Variants in CTNNA3 observed in about 807,000 individuals in gnomAD.
CTNNA3 encodes the protein catenin alpha 3.
CTNNA3 carries 76 observed loss-of-function variants against 95.7 expected under a neutral mutation model. That is an observed-to-expected ratio of 0.79 (90% confidence interval 0.66 to 0.96). The LOEUF (loss-of-function observed/expected upper bound fraction) is 0.96. Among genes scored for constraint, CTNNA3 ranks in the 40% least tolerant of loss-of-function variants. The probability of loss-of-function intolerance (pLI) is 0.00; values close to 1 mark genes in which losing one functional copy is unlikely to be tolerated. For synonymous variants in CTNNA3, 431 were observed against 374.4 expected, an observed-to-expected ratio of 1.15 and a Z score of -1.74; for missense variants, 1,191 against 1,089.8, an observed-to-expected ratio of 1.09 and a Z score of -1.31.
intron 2 of CTNNA3, among the ~76,000 whole-genome samples, chr10:67,637,176 G>C (rs1564799487): frequency 6.6e-6 from 1 of 152,226 alleles, no homozygotes; most frequent in Admixed American, 6.5e-5. Context: ...TAAAGGACCT[G>C]ATGGAGCTGA....
At chr10:66,727,654 A>G (rs375368163) in intron 9 of CTNNA3, among the ~76,000 whole-genome samples, 1 of 152,242 alleles carries the variant, frequency 6.6e-6, no homozygotes, top group East Asian at 1.9e-4. Flanking sequence ...GCACACAGCT[A>G]AAAACAGAAG....
rs139223911 is a variant in CTNNA3, at chr10:67,344,592, C to T, written c.580-124722G>A. Among the ~76,000 whole-genome samples the T allele has an allele frequency of 4.9e-3, 742 of 152,020 alleles. 5 individuals carry two copies. Among genetic ancestry groups the T allele is most frequent in the African/African-American group, 0.015 (643 of 41,520 alleles). ...AATCTTGATAGGTTGTATGTGTCTA[C>T]GAATTTTTCCATTTCTTCTAGATTG... On this transcript the variant is annotated intron_variant, in intron 5 of 17. Transcript: ENST00000433211.
intron 7 of CTNNA3, chr10:66,926,914 T>C (rs1250875365): frequency 6.4e-7 from 1 of 1,550,770 alleles, no homozygotes; most frequent in East Asian, 2.3e-5. Context: ...GTTGTTTTTA[T>C]TTCCAGGTTT....
At chr10:66,604,601 G>A (rs946665923) in intron 10 of CTNNA3, among the ~76,000 whole-genome samples, 1 of 152,024 alleles carries the variant, frequency 6.6e-6, no homozygotes, top group African/African-American at 2.4e-5. Flanking sequence ...TAGTGTAGCA[G>A]ATTTCTAACC....
intron 16 of CTNNA3, among the ~76,000 whole-genome samples, chr10:65,987,019 C>T (rs2078442585): frequency 6.6e-6 from 1 of 151,910 alleles, no homozygotes; most frequent in Non-Finnish European, 1.5e-5. Flanking sequence ...AAAAATGAAA[C>T]TAGGCCCCTA....
chr10:67,572,471 G>C (rs1842011127), intron 3 of CTNNA3, among the ~76,000 whole-genome samples: 1 of 152,062 alleles, frequency 6.6e-6, no homozygotes, highest in Admixed American at 6.6e-5. Context: ...ATGCAGTTTG[G>C]AATTTTCGAG....
chr10:66,441,341 C>T lies in CTNNA3; in HGVS notation c.1532-61989G>A, dbSNP rs1288503876. On this transcript the variant is annotated intron_variant, in intron 11 of 17. Transcript: ENST00000433211. ...CTGTTCAAGACTGGTAAGTTGCTTT[C>T]CTGAAGAAATAATGCTTAAATTGAA... Among the ~76,000 whole-genome samples the T allele has an allele frequency of 5.3e-5, 8 of 152,012 alleles. No individual in the cohort carries two copies. The South Asian group carries it at 1.2e-3, about 24-fold the overall frequency.
intron 17 of CTNNA3, among the ~76,000 whole-genome samples, chr10:65,962,790 A>G (rs997255137): frequency 7.4e-5 from 11 of 147,764 alleles, no homozygotes; most frequent in African/African-American, 2.5e-4. Context: ...CCCACTTACG[A>G]GTGAGAACAT....
At chr10:66,923,757 G>A (rs973670173) in intron 7 of CTNNA3, among the ~76,000 whole-genome samples, 31 of 152,270 alleles carry the variant, frequency 2.0e-4, no homozygotes, top group African/African-American at 7.5e-4. Flanking sequence ...CTCCAAAATT[G>A]TTTCCAGTCT....
chr10:66,124,001 T>A (rs2133825385), intron 13 of CTNNA3, among the ~76,000 whole-genome samples: 1 of 152,320 alleles, frequency 6.6e-6, no homozygotes, highest in Middle Eastern at 3.4e-3. Context: ...ATTGTCTTGG[T>A]GCTTAACATT....
intron 9 of CTNNA3, among the ~76,000 whole-genome samples, chr10:66,740,257 T>C (rs1439481535): frequency 2.6e-5 from 4 of 152,184 alleles, no homozygotes; most frequent in East Asian, 1.9e-4. Flanking sequence ...ACTTTAATAA[T>C]GAAAGAAATT....
rs1848866775 is a variant in CTNNA3 at position 66,957,417 on chromosome 10, TATATATATATGC to T, written c.1048-181905_1048-181894del. Among the ~76,000 whole-genome samples, 26 of 31,860 alleles carry T rather than the reference TATATATATATGC, an allele frequency of 8.2e-4. 1 individual carries two copies. Among genetic ancestry groups the T allele is most frequent in the African/African-American group, 3.6e-3 (12 of 3,352 alleles). The allele number at this position is 31,860 out of a possible 152,430, so 20.9% of individuals were successfully genotyped here. On this transcript the variant is annotated intron_variant, in intron 7 of 17. Coordinates refer to ENST00000433211, the MANE Select transcript of CTNNA3 (RefSeq NM_013266.4). ...ACATATATATATATATATATATGCA[TATATATATATGC>T]ATATATATATATGCATATATATATA...
chr10:67,375,287 G>A (rs944174620), intron 5 of CTNNA3, among the ~76,000 whole-genome samples: 23 of 152,100 alleles, frequency 1.5e-4, no homozygotes, highest in Admixed American at 3.3e-4. Flanking sequence ...GTATCACAAT[G>A]AGTCAAGGTC....
intron 7 of CTNNA3, among the ~76,000 whole-genome samples, chr10:67,147,713 T>C (rs1860909401): frequency 6.6e-6 from 1 of 152,240 alleles, no homozygotes; most frequent in Non-Finnish European, 1.5e-5. Flanking sequence ...GTTTTGCTCT[T>C]CTTTTCTCAT....
At chr10:66,092,967 G>A (rs1256644361) in intron 14 of CTNNA3, among the ~76,000 whole-genome samples, 1 of 151,760 alleles carries the variant, frequency 6.6e-6, no homozygotes, top group Non-Finnish European at 1.5e-5. Context: ...AAGCAATTCA[G>A]ATTAGCTATT....
intron 5 of CTNNA3, among the ~76,000 whole-genome samples, chr10:67,410,357 C>T (rs1343494198): frequency 6.6e-6 from 1 of 151,796 alleles, no homozygotes; most frequent in Non-Finnish European, 1.5e-5. Flanking sequence ...TGTCAAAGGG[C>T]AAGGGGTGAG....
In CTNNA3 at chr10:66,039,635, C is replaced by A. The variant is rs541919974; in HGVS notation, c.2159+29673G>T. Among the ~76,000 whole-genome samples the A allele has an allele frequency of 1.1e-4, 17 of 152,236 alleles. No homozygotes were observed. The South Asian group carries it at 3.5e-3, about 32-fold the overall frequency. ...ACAAAAACAGGCAGTGCAGAAAGGA[C>A]TCCTTATTCAAAAAATGGTGCTGGG... is the stretch of plus-strand genomic sequence containing the variant. On this transcript the variant is annotated intron_variant, in intron 15 of 17. Transcript: ENST00000433211.
intron 12 of CTNNA3, among the ~76,000 whole-genome samples, chr10:66,317,447 G>A (rs184990583): frequency 1.2e-3 from 189 of 152,134 alleles, no homozygotes; most frequent in African/African-American, 4.2e-3. Context: ...GCCGAGGTGG[G>A]TGAATCACAA....
intron 11 of CTNNA3, among the ~76,000 whole-genome samples, chr10:66,419,101 A>G (rs2093170167): frequency 6.6e-6 from 1 of 152,162 alleles, no homozygotes; most frequent in African/African-American, 2.4e-5. Flanking sequence ...TGCAGATGAC[A>G]TGATACTCAT....
Sources: gnomAD v4.1 joint callset for allele counts (sites outside exome capture counted in the v4.1 genomes callset) on GRCh38, gnomAD v4.1.1 for gene constraint, MANE v1.5 for transcripts, NCBI Gene and HGNC (gene_info 2026-07-23, HGNC 2026-07-21) for gene names.